CSMD2: variants seen among roughly 807,000 people sequenced by gnomAD.
CSMD2 encodes CUB and Sushi multiple domains 2, also known as CUB and sushi domain-containing protein 2.
A neutral mutation model predicts 398.5 loss-of-function variants in CSMD2; 130 were observed. The observed-to-expected ratio is 0.33, with a 90% CI of 0.28 to 0.38. The LOEUF is 0.38. Ranked by LOEUF, CSMD2 falls within the 10% of genes least tolerant of loss-of-function variation. CSMD2 has a pLI of 1.00. For missense variants in CSMD2, 3,829 were observed against 4,764.9 expected (o/e 0.80, Z 5.78); for synonymous variants, 1,828 against 1,908.5 (o/e 0.96, Z 1.10).
intron 55 of CSMD2, among the ~76,000 whole-genome samples, chr1:33,556,704 C>G (rs143561742): frequency 1.3e-5 from 2 of 152,172 alleles, no homozygotes; most frequent in Non-Finnish European, 2.9e-5. Context: ...ATAATCTCCA[C>G]GTGTTGTGGG....
At chr1:34,008,430 A>G (rs905044439) in intron 3 of CSMD2, among the ~76,000 whole-genome samples, 11 of 152,228 alleles carry the variant, frequency 7.2e-5, no homozygotes. Context: ...CATACAAAGT[A>G]CTGTGGATGG....
At chr1:34,039,328 C>T (rs1651553820) in intron 2 of CSMD2, among the ~76,000 whole-genome samples, 1 of 152,224 alleles carries the variant, frequency 6.6e-6, no homozygotes, top group African/African-American at 2.4e-5. Context: ...TCCCCTTATC[C>T]AAGGTCAGTG....
chr1:34,165,195 C>T lies in CSMD2; in HGVS notation c.-98G>A. The stretch of plus-strand genomic sequence containing the variant: ...GCTTTTTTCTGCTCGGAAAAAATCC[C>T]GGTACGCGGGAGCCCTGAGCTTCTG... On this transcript the variant is annotated 5_prime_UTR_variant, in exon 1 of 71. Transcript: ENST00000373381. The T allele has an allele frequency of 8.6e-7, 1 of 1,165,636 alleles. No homozygotes were observed. The highest frequency in any genetic ancestry group is 1.1e-6 in the Non-Finnish European group (1 of 945,762). 72.2% of individuals were successfully genotyped at this position (1,165,636 alleles called of 1,614,324 possible).
intron 13 of CSMD2, among the ~76,000 whole-genome samples, chr1:33,760,179 A>T (rs1430228488): frequency 6.6e-6 from 1 of 152,174 alleles, no homozygotes; most frequent in Non-Finnish European, 1.5e-5. Flanking sequence ...TTCTTGCCAC[A>T]CCTCTGGAAT....
At chr1:33,746,869 T>C (rs1647458310) in intron 13 of CSMD2, among the ~76,000 whole-genome samples, 1 of 152,204 alleles carries the variant, frequency 6.6e-6, no homozygotes, top group Non-Finnish European at 1.5e-5. Context: ...ACCAACAGAT[T>C]GACCAAAGTC....
intron 5 of CSMD2, among the ~76,000 whole-genome samples, chr1:33,890,523 C>A (rs193014297): frequency 1.3e-5 from 2 of 152,276 alleles, no homozygotes; most frequent in African/African-American, 4.8e-5. Context: ...AGACACCGTG[C>A]CCTGCCTATT....
At chr1:34,081,002 G>A (rs976154081) in intron 2 of CSMD2, among the ~76,000 whole-genome samples, 2 of 149,148 alleles carry the variant, frequency 1.3e-5, no homozygotes, top group African/African-American at 4.9e-5. Context: ...TGTGAGAAAG[G>A]GATGTGACCC....
At position 33,772,648 on chromosome 1, in the gene CSMD2, G is replaced by C; in HGVS notation, c.1767C>G (p.Pro589=). 6.2e-7 allele frequency: 1 copy of C among 1,614,126 alleles called. No individual in the cohort carries two copies. Among genetic ancestry groups the C allele is most frequent in the African/African-American group, 1.3e-5 (1 of 75,044 alleles). The change falls in exon 13 of 71, where the codon CCC becomes CCG. Residue 589 remains proline, a synonymous_variant. Transcript: ENST00000373381. ...CCTTCTGTCCCACCAGCTCAAAGGC[G>C]GGCTGGCACTCAAACTTGAGTGTGT... ...HGDTLKFECQ[P]AFELVGQKAI...
At chr1:33,804,870 C>A in intron 10 of CSMD2, 1 of 717,414 alleles carries the variant, frequency 1.4e-6, no homozygotes. Context: ...CTCCTTGTTG[C>A]ATTGTATGTT....
intron 24 of CSMD2, among the ~76,000 whole-genome samples, chr1:33,698,551 G>A (rs1245715632): frequency 6.6e-6 from 1 of 152,188 alleles, no homozygotes; most frequent in Non-Finnish European, 1.5e-5. Flanking sequence ...TGACTGCACT[G>A]CTGCATGGGT....
At chr1:33,774,107 TTG>T (rs61454614) in intron 12 of CSMD2, among the ~76,000 whole-genome samples, 27,073 of 141,156 alleles carry the variant, frequency 0.19, 2,933 homozygotes, top group East Asian at 0.45. Flanking sequence ...ATGGCTGGGA[TTG>T]TGTGTGTGTG....
intron 11 of CSMD2, among the ~76,000 whole-genome samples, chr1:33,790,511 C>A (rs1016566988): frequency 6.6e-6 from 1 of 152,196 alleles, no homozygotes; most frequent in South Asian, 2.1e-4. Context: ...GGATCTTGAA[C>A]CTACTGGCAT....
At chr1:33,829,244 T>C (rs961193475) in intron 6 of CSMD2, among the ~76,000 whole-genome samples, 3 of 152,184 alleles carry the variant, frequency 2.0e-5, no homozygotes, top group Non-Finnish European at 4.4e-5. Context: ...GAACCTACAG[T>C]TGGCACACAC....
chr1:33,959,015 G>C (rs1410933990), intron 3 of CSMD2, among the ~76,000 whole-genome samples: 1 of 152,168 alleles, frequency 6.6e-6, no homozygotes, highest in Non-Finnish European at 1.5e-5. Flanking sequence ...GCTGACCTGT[G>C]ACCTTCCCAC....
chr1:33,774,669 T>C (rs1010620973), intron 12 of CSMD2, among the ~76,000 whole-genome samples: 1 of 152,160 alleles, frequency 6.6e-6, no homozygotes, highest in Admixed American at 6.5e-5. Context: ...GCCCCACCAT[T>C]GCTGCAGGAG....
chr1:34,121,912 T>C (rs1234974097), intron 1 of CSMD2, among the ~76,000 whole-genome samples: 1 of 151,938 alleles, frequency 6.6e-6, no homozygotes, highest in Non-Finnish European at 1.5e-5. Context: ...CTGAGAGCCA[T>C]AGGTGAACAC....
intron 2 of CSMD2, among the ~76,000 whole-genome samples, chr1:34,043,841 G>A (rs1229126848): frequency 6.6e-6 from 1 of 152,188 alleles, no homozygotes; most frequent in Non-Finnish European, 1.5e-5. Context: ...GACAGGAAGA[G>A]GGGTCTAGGT....
intron 3 of CSMD2, among the ~76,000 whole-genome samples, chr1:33,983,134 A>G (rs1348289235): frequency 6.6e-6 from 1 of 152,140 alleles, no homozygotes; most frequent in Non-Finnish European, 1.5e-5. Context: ...TTAGGGGTCT[A>G]CAGTTATGAC....
intron 5 of CSMD2, among the ~76,000 whole-genome samples, chr1:33,875,094 C>T (rs970013149): frequency 6.6e-6 from 1 of 152,230 alleles, no homozygotes; most frequent in Non-Finnish European, 1.5e-5. Flanking sequence ...TCCCACCCCT[C>T]TATGCTGTCT....
Sources: allele counts gnomAD v4.1 joint callset (sites outside exome capture counted in the v4.1 genomes callset), GRCh38; gene constraint gnomAD v4.1.1; transcripts MANE v1.5; gene names NCBI Gene and HGNC (gene_info 2026-07-23, HGNC 2026-07-21).